The following METTL15 variants were observed in gnomAD, a reference collection of about 807,000 sequenced individuals.
The protein encoded by METTL15 is methyltransferase 15, mitochondrial 12S rRNA N4-cytidine.
In METTL15, 34 loss-of-function variants were observed where a neutral mutation model predicts 38.3. The observed-to-expected ratio is 0.89, with a 90% CI of 0.68 to 1.18. The LOEUF is 1.18. METTL15 is among the 50% of genes most tolerant of loss of function. The pLI is 0.00. For missense variants in METTL15, 438 were observed against 498.4 expected (o/e 0.88, Z 1.15); for synonymous variants, 162 against 170.9 (o/e 0.95, Z 0.41).
intron 5 of METTL15, among the ~76,000 whole-genome samples, chr11:28,387,922 T>A (rs1850457248): frequency 6.6e-6 from 1 of 152,130 alleles, no homozygotes; most frequent in South Asian, 2.1e-4. Flanking sequence ...TGTAACATAC[T>A]GCATTAACAG....
At chr11:28,461,353 A>T (rs566852643) in intron 6 of METTL15, among the ~76,000 whole-genome samples, 5 of 152,244 alleles carry the variant, frequency 3.3e-5, no homozygotes, top group South Asian at 2.1e-4. Context: ...TGAATAGTCC[A>T]CTAGTGATTT....
chr11:28,221,200 A>G (rs989872769), intron 4 of METTL15, among the ~76,000 whole-genome samples: 5 of 152,160 alleles, frequency 3.3e-5, no homozygotes, highest in South Asian at 2.1e-4. Context: ...AGGTACACCA[A>G]TCAGATGTAG....
downstream of METTL15, chr11:28,333,618 A>G (rs1042632259): frequency 4.6e-5 from 7 of 152,024 alleles, no homozygotes; most frequent in African/African-American, 1.7e-4. Flanking sequence ...TAATAACTAC[A>G]ATTTTTAGAT....
chr11:28,210,532 A>G (rs1166300693), intron 3 of METTL15, among the ~76,000 whole-genome samples: 1 of 151,920 alleles, frequency 6.6e-6, no homozygotes, highest in Non-Finnish European at 1.5e-5. Context: ...TATTACAGAT[A>G]CAATCTGTAA....
At chr11:28,205,246 T>A (rs1307783675) in intron 3 of METTL15, among the ~76,000 whole-genome samples, 5 of 146,524 alleles carry the variant, frequency 3.4e-5, no homozygotes, top group Non-Finnish European at 1.5e-5. Context: ...CCTAATGCTA[T>A]CCCTCCCCCC....
At chr11:28,127,472 T>C (rs1852543431) in intron 3 of METTL15, among the ~76,000 whole-genome samples, 1 of 152,144 alleles carries the variant, frequency 6.6e-6, no homozygotes, top group Non-Finnish European at 1.5e-5. Flanking sequence ...AAAAGATTGT[T>C]TTCTGGCGCC....
chr11:28,172,463 C>A (rs879501086), intron 3 of METTL15, among the ~76,000 whole-genome samples: 9 of 152,120 alleles, frequency 5.9e-5, no homozygotes, highest in Non-Finnish European at 1.2e-4. Context: ...GTATTACTAA[C>A]TTTTTACTTT....
chr11:28,189,015 T>A (rs75480938), intron 3 of METTL15, among the ~76,000 whole-genome samples: 1 of 151,334 alleles, frequency 6.6e-6, no homozygotes, highest in African/African-American at 2.4e-5. Context: ...CAATGTGTGA[T>A]GTAGGTGTGT....
chr11:28,201,610 G>GTGTGTGTGTGTGTGTGTGTGTGTGT, intron 3 of METTL15, among the ~76,000 whole-genome samples: 1 of 145,654 alleles, frequency 6.9e-6, no homozygotes, highest in African/African-American at 2.6e-5. Context: ...GTCTTGGGAG[G>GTGTGTGTGTGTGTGTGTGTGTGTGT]GTGTGTGTGT....
intron 4 of METTL15, among the ~76,000 whole-genome samples, chr11:28,273,408 A>G (rs139699705): frequency 3.9e-5 from 6 of 152,244 alleles, no homozygotes; most frequent in South Asian, 2.1e-4. Flanking sequence ...AATCATTTTT[A>G]TATGTGCCCT....
At chr11:28,349,137 A>G (rs1047182963) in intron 3 of METTL15, among the ~76,000 whole-genome samples, 1 of 152,214 alleles carries the variant, frequency 6.6e-6, no homozygotes, top group African/African-American at 2.4e-5. Flanking sequence ...AGTACCTTCA[A>G]TTTTAATCCA....
At chr11:28,395,848 T>C (rs765394186) in intron 5 of METTL15, among the ~76,000 whole-genome samples, 3 of 152,256 alleles carry the variant, frequency 2.0e-5, no homozygotes, top group South Asian at 4.1e-4. Flanking sequence ...AAATCCTCAA[T>C]AACATACTGG....
At chr11:28,208,393 G>T (rs1852462767) in intron 3 of METTL15, among the ~76,000 whole-genome samples, 1 of 152,120 alleles carries the variant, frequency 6.6e-6, no homozygotes, top group Non-Finnish European at 1.5e-5. Flanking sequence ...GGGGCAGGTT[G>T]TTCAGTTTCC....
At chr11:28,229,801 A>G (rs752522958) in intron 4 of METTL15, among the ~76,000 whole-genome samples, 2 of 152,030 alleles carry the variant, frequency 1.3e-5, no homozygotes, top group Non-Finnish European at 2.9e-5. Flanking sequence ...GCGTGTCACA[A>G]TTACAGACAC....
intron 6 of METTL15, among the ~76,000 whole-genome samples, chr11:28,509,337 G>A (rs1682891346): frequency 6.6e-6 from 1 of 152,170 alleles, no homozygotes; most frequent in Admixed American, 6.5e-5. Flanking sequence ...TTTGATCTCA[G>A]GAAGCCAGCA....
downstream of METTL15, among the ~76,000 whole-genome samples, chr11:28,531,754 G>A (rs182020800): frequency 2.0e-5 from 3 of 152,062 alleles, no homozygotes; most frequent in East Asian, 5.8e-4. Context: ...GAAACGCTTA[G>A]CTTCCTTCCA....
At position 28,499,392 on chromosome 11, in the gene METTL15, C is replaced by T. The variant is rs530485224; in HGVS notation, c.*425-27086C>T. ...TCTAAGAATAAGAAGTCCTTTGTAA[C>T]TATGCAAATGGCATGGTTTCTAACC... On this transcript the variant is annotated intron_variant and NMD_transcript_variant, in intron 6 of 7. Coordinates refer to the METTL15 transcript ENST00000532947. Among the ~76,000 whole-genome samples, 3 of 152,300 alleles carry T rather than the reference C, an allele frequency of 2.0e-5. No individual in the cohort carries two copies. In the South Asian group the frequency reaches 6.2e-4, roughly 32 times the overall value.
intron 6 of METTL15, among the ~76,000 whole-genome samples, chr11:28,312,835 G>A (rs1565246381): frequency 6.6e-6 from 1 of 152,090 alleles, no homozygotes; most frequent in Non-Finnish European, 1.5e-5. Flanking sequence ...ACCCACTCCT[G>A]AGATGGTAGC....
At chr11:28,156,513 A>G in intron 3 of METTL15, among the ~76,000 whole-genome samples, 1 of 152,264 alleles carries the variant, frequency 6.6e-6, no homozygotes, top group Middle Eastern at 3.4e-3. Context: ...AAATAGATAA[A>G]TATATTTGCC....
Sources: gnomAD v4.1 joint callset for allele counts (sites outside exome capture counted in the v4.1 genomes callset) on GRCh38, gnomAD v4.1.1 for gene constraint, MANE v1.5 for transcripts, NCBI Gene and HGNC (gene_info 2026-07-23, HGNC 2026-07-21) for gene names.